Variants in TLE2 observed in about 807,000 individuals in gnomAD.
TLE2 encodes transducin-like enhancer protein 2.
A neutral mutation model predicts 97.2 loss-of-function variants in TLE2; 74 were observed. The ratio of observed to expected loss-of-function variants is 0.76; its 90% CI spans 0.63 to 0.92. TLE2 has a LOEUF of 0.92. TLE2 is among the 40% of genes least tolerant of loss of function. The pLI, the probability that TLE2 is intolerant of heterozygous loss-of-function variation, is 0.00. For synonymous variants in TLE2, 499 were observed against 432.1 expected (o/e 1.15, Z -1.92); for missense variants, 1,038 against 1,008.7 (o/e 1.03, Z -0.39).
Position 3,015,743 on chromosome 19 carries a change from G to T in TLE2, c.588C>A (p.Pro196=). 6.2e-7 allele frequency: 1 copy of T among 1,609,574 alleles called. No individual in the cohort carries two copies. Residue 196 remains proline, a synonymous_variant, in exon 9 of 20, where the codon CCC becomes CCA. Transcript: ENST00000262953. ...RAPSRSASPS[P]PESLVEEERP... ...GCTCCTCCTCCACGAGACTCTCAGGGGGCGAGGGAGATGCACTCTGCGGAG... is the reference window on the plus strand; with the variant it reads ...GCTCCTCCTCCACGAGACTCTCAGGTGGCGAGGGAGATGCACTCTGCGGAG...
intron 10 of TLE2, 53 bp downstream of exon 10, chr19:3,014,517 C>T: frequency 6.8e-7 from 1 of 1,470,908 alleles, no homozygotes; most frequent in Non-Finnish European, 9.1e-7. Flanking sequence ...CCAGAAAACC[C>T]ACCCCTTGCT....
At chr19:3,036,388 C>G (rs970593202) in intron 1 of TLE2, among the ~76,000 whole-genome samples, 1 of 152,258 alleles carries the variant, frequency 6.6e-6, no homozygotes, top group Non-Finnish European at 1.5e-5. Flanking sequence ...CCCTCCCTGC[C>G]GGCTCCCGGC....
chr19:3,008,193 G>A (rs1385368990), intron 14 of TLE2, among the ~76,000 whole-genome samples: 1 of 152,190 alleles, frequency 6.6e-6, no homozygotes, highest in Admixed American at 6.6e-5. Context: ...CCAGCAGTGG[G>A]TCTAGAACAC....
At chr19:3,029,949 A>C (rs2090009413), upstream of TLE2, among the ~76,000 whole-genome samples, 1 of 152,078 alleles carries the variant, frequency 6.6e-6, no homozygotes, top group African/African-American at 2.4e-5. Context: ...GGTGTGCACC[A>C]CCACGCCCAG....
chr19:3,045,761 A>C (rs897667886), exon 1 of TLE2: 1 of 447,600 alleles, frequency 2.2e-6, no homozygotes, highest in Non-Finnish European at 4.5e-6. Flanking sequence ...TGGGAGGCGG[A>C]GGTTGCAGTG....
chr19:3,019,161 T>C lies in TLE2; in HGVS notation c.550+122A>G. On this transcript the variant is annotated intron_variant, in intron 7 of 19. Transcript: ENST00000262953. The surrounding 1 kb of genome is among the most constrained non-coding windows in gnomAD (Gnocchi z 5.1). ...GATCCTCCCGCCTCGGCCTCCCAAA[T>C]TGTTGGGATTATAGGCATGAGCCAC... 2 of 1,373,966 alleles carry C rather than the reference T, an allele frequency of 1.5e-6. No individual in the cohort carries two copies. Among genetic ancestry groups the C allele is most frequent in the East Asian group, 2.5e-5 (1 of 39,596 alleles). 85.1% of individuals were successfully genotyped at this position (1,373,966 alleles called of 1,614,324 possible).
chr19:3,032,581 C>T (rs1358647855), upstream of TLE2, among the ~76,000 whole-genome samples: 2 of 152,116 alleles, frequency 1.3e-5, no homozygotes, highest in South Asian at 2.1e-4. This position sits in a 1 kb window ranked among gnomAD's most constrained non-coding sequence, Gnocchi z 4.1. Context: ...GGAGGTTGTT[C>T]GCGTCCTTGT....
rs781577213 is a variant in TLE2 at position 3,013,749 on chromosome 19, G to A, written c.793C>T (p.Arg265Cys). 39 of 1,562,556 alleles carry A rather than the reference G, an allele frequency of 2.5e-5. No homozygotes were observed. The highest frequency in any genetic ancestry group is 3.0e-5 in the Non-Finnish European group (35 of 1,156,496). Residue 265 changes from arginine (R) to cysteine (C), a missense_variant, in exon 11 of 20, where the codon CGT becomes TGT. Arg to Cys is a radical substitution (Grantham distance 180, BLOSUM62 -3). Coordinates refer to ENST00000262953, the MANE Select transcript of TLE2 (RefSeq NM_003260.5). ...CGKVPICIPA[R>C]RDLVDSPASL... The stretch of plus-strand genomic sequence containing the variant: ...GCTGGACTGTCCACCAGGTCCCGAC[G>A]GGCAGGAATGCAGATGGGTACCTTT...
chr19:3,003,047 G>A (rs1015637210), intron 17 of TLE2, among the ~76,000 whole-genome samples: 2 of 152,080 alleles, frequency 1.3e-5, no homozygotes, highest in East Asian at 1.9e-4. Context: ...CAGGGGTTGC[G>A]GGGGTGGAGT....
chr19:3,028,636 T>C (rs952876490), intron 2 of TLE2, 70 bp downstream of exon 2: 42 of 1,504,496 alleles, frequency 2.8e-5, no homozygotes, highest in Non-Finnish European at 3.5e-5. Context: ...CCCCGCCCTA[T>C]ACCCCGGAGG....
chr19:3,005,616 G>A (rs778096364), intron 16 of TLE2, 32 bp from the exon 17 acceptor site: 1 of 1,611,812 alleles, frequency 6.2e-7, no homozygotes, highest in Admixed American at 1.7e-5. Flanking sequence ...CGTCCATCCT[G>A]GAATTCGAGC....
At chr19:3,005,654 C>G (rs557761365) in intron 16 of TLE2, 67 bp downstream of exon 16, 1 of 1,606,828 alleles carries the variant, frequency 6.2e-7, no homozygotes, top group African/African-American at 1.3e-5. Flanking sequence ...AGGTCACACT[C>G]CTCCACTCCC....
intron 1 of TLE2, among the ~76,000 whole-genome samples, chr19:3,037,292 A>C (rs944372440): frequency 6.6e-6 from 1 of 152,186 alleles, no homozygotes; most frequent in Non-Finnish European, 1.5e-5. Context: ...CTCAAAAACA[A>C]AAACAAAAAC....
intron 17 of TLE2, among the ~76,000 whole-genome samples, chr19:3,004,292 G>C (rs1385615009): frequency 1.3e-5 from 2 of 152,140 alleles, no homozygotes; most frequent in Non-Finnish European, 2.9e-5. Context: ...GGGGCCACGG[G>C]ATGGAGAGCT....
chr19:3,029,501 G>A, upstream of TLE2: 4 of 983,862 alleles, frequency 4.1e-6, no homozygotes, highest in Non-Finnish European at 4.8e-6. Context: ...CCCTCCCGGA[G>A]GGGCGGGAGA....
In TLE2 at chr19:3,019,978, G is replaced by A. The variant is rs543640934; in HGVS notation, c.295-205C>T. 2 of 694,510 alleles carry A rather than the reference G, an allele frequency of 2.9e-6. No individual in the cohort carries two copies. Among genetic ancestry groups the A allele is most frequent in the African/African-American group, 1.8e-5 (1 of 55,684 alleles). The allele number at this position is 694,510 out of a possible 1,614,324, so 43.0% of individuals were successfully genotyped here. ...ACGGAGAAAGAAACCAAACCTAAGT[G>A]CAGGTAGAATAGTTACAAATCAGGC... On this transcript the variant is annotated intron_variant, in intron 5 of 19. Coordinates refer to ENST00000262953, the MANE Select transcript of TLE2 (RefSeq NM_003260.5). This position sits in a 1 kb window ranked among gnomAD's most constrained non-coding sequence, Gnocchi z 5.1.
upstream of TLE2, among the ~76,000 whole-genome samples, chr19:3,033,762 G>A (rs1329329405): frequency 1.3e-5 from 2 of 152,026 alleles, no homozygotes; most frequent in East Asian, 3.9e-4. Context: ...GCTCAAACTT[G>A]TAATCCCAGC....
intron 1 of TLE2, among the ~76,000 whole-genome samples, chr19:3,044,752 C>T (rs1048489733): frequency 1.3e-5 from 2 of 152,146 alleles, no homozygotes; most frequent in Admixed American, 1.3e-4. Context: ...CTTCCCTAAT[C>T]GCTACACACC....
At chr19:3,001,957 C>A (rs146420626) in intron 18 of TLE2, among the ~76,000 whole-genome samples, 3,752 of 152,028 alleles carry the variant, frequency 0.025, 150 homozygotes, top group African/African-American at 0.083. Context: ...ACCACCACGC[C>A]TGGCTAATTT....
Sources: allele counts gnomAD v4.1 joint callset (sites outside exome capture counted in the v4.1 genomes callset), GRCh38; gene constraint gnomAD v4.1.1; non-coding constraint Gnocchi (gnomAD v3.1); transcripts MANE v1.5; gene names NCBI Gene and HGNC (gene_info 2026-07-23, HGNC 2026-07-21).